Variants in CNIH3 observed in about 807,000 individuals in gnomAD.
CNIH3 encodes the protein cornichon family AMPA receptor auxiliary protein 3, also known as protein cornichon homolog 3.
In CNIH3, 14 loss-of-function variants were observed where a neutral mutation model predicts 24.1. That is an observed-to-expected ratio of 0.58 (90% CI 0.38 to 0.91). The LOEUF (loss-of-function observed/expected upper bound fraction) is 0.91, where lower values mean the gene tolerates loss of function less well. CNIH3 is among the 40% of genes least tolerant of loss of function. The pLI is 0.00. For synonymous variants in CNIH3, 68 were observed against 73.8 expected (o/e 0.92, Z 0.40); for missense variants, 178 against 196.8 (o/e 0.90, Z 0.57).
intron 1 of CNIH3, among the ~76,000 whole-genome samples, chr1:224,632,934 G>A (rs543523840): frequency 2.0e-5 from 3 of 152,234 alleles, no homozygotes; most frequent in Admixed American, 1.3e-4. Context: ...GCACTCCTTA[G>A]CAAACCTCCC....
chr1:224,546,950 A>C, intron 3 of CNIH3: 1 of 977,136 alleles, frequency 1.0e-6, no homozygotes, highest in Non-Finnish European at 1.2e-6. Flanking sequence ...GTAAGCCAGA[A>C]ACAAGACACT....
chr1:224,641,803 C>G (rs1228034411), intron 1 of CNIH3, among the ~76,000 whole-genome samples: 1 of 152,228 alleles, frequency 6.6e-6, no homozygotes, highest in East Asian at 1.9e-4. Flanking sequence ...GTCATAGGAT[C>G]TAGGATCGGG....
chr1:224,443,711 A>ATTT (rs56248229), intron 1 of CNIH3, among the ~76,000 whole-genome samples: 164 of 149,530 alleles, frequency 1.1e-3, no homozygotes, highest in African/African-American at 3.9e-3. Context: ...ATATATATAT[A>ATTT]TTTTTTTAGG....
chr1:224,736,760 G>T (rs564544094), intron 5 of CNIH3, among the ~76,000 whole-genome samples: 64 of 152,298 alleles, frequency 4.2e-4, no homozygotes, highest in African/African-American at 1.4e-3. Context: ...TTTCTACGGT[G>T]CCCAGTGGGT....
At chr1:224,618,601 T>C (rs774214619) in intron 1 of CNIH3, among the ~76,000 whole-genome samples, 1 of 152,238 alleles carries the variant, frequency 6.6e-6, no homozygotes, top group Non-Finnish European at 1.5e-5. Flanking sequence ...CTTCCGATCA[T>C]GTAACCTTAG....
intron 1 of CNIH3, among the ~76,000 whole-genome samples, chr1:224,468,069 T>C (rs998345247): frequency 3.9e-5 from 6 of 152,218 alleles, no homozygotes; most frequent in African/African-American, 1.2e-4. Flanking sequence ...CTTCCACCAG[T>C]ACTCTACTGT....
At chr1:224,621,009 C>CA (rs1355613226) in intron 1 of CNIH3, among the ~76,000 whole-genome samples, 1 of 152,218 alleles carries the variant, frequency 6.6e-6, no homozygotes, top group Non-Finnish European at 1.5e-5. Context: ...TTTATATAAA[C>CA]ACAGATGAAG....
At chr1:224,534,904 A>G (rs74146375) in intron 2 of CNIH3, among the ~76,000 whole-genome samples, 22 of 152,288 alleles carry the variant, frequency 1.4e-4, no homozygotes, top group African/African-American at 4.3e-4. Context: ...TGGCAGGTGC[A>G]GGTGCCACCC....
At chr1:224,645,770 A>G (rs1016376762) in intron 1 of CNIH3, among the ~76,000 whole-genome samples, 9 of 152,224 alleles carry the variant, frequency 5.9e-5, no homozygotes, top group African/African-American at 2.2e-4. Context: ...CCCTACTGCC[A>G]TTCCCCACCC....
At chr1:224,525,731 G>A (rs1678820044) in intron 2 of CNIH3, among the ~76,000 whole-genome samples, 1 of 152,168 alleles carries the variant, frequency 6.6e-6, no homozygotes. Flanking sequence ...TCACAAGTAG[G>A]TGAAACAGTG....
At chr1:224,544,547 C>T (rs1679630978) in intron 2 of CNIH3, among the ~76,000 whole-genome samples, 2 of 152,136 alleles carry the variant, frequency 1.3e-5, no homozygotes, top group African/African-American at 4.8e-5. Flanking sequence ...TAACAGAGGT[C>T]TTGGAATGGT....
At chr1:224,715,194 C>T (rs760370493) in intron 3 of CNIH3, among the ~76,000 whole-genome samples, 4 of 152,162 alleles carry the variant, frequency 2.6e-5, no homozygotes, top group Non-Finnish European at 5.9e-5. Context: ...TATTCATCTT[C>T]CTTAGCAGTG....
chr1:224,583,370 A>G (rs930132727), intron 5 of CNIH3: 1 of 152,358 alleles, frequency 6.6e-6, no homozygotes, highest in Non-Finnish European at 1.5e-5. Flanking sequence ...TCCCAGCTCA[A>G]TGGTGGAAAT....
intron 3 of CNIH3, among the ~76,000 whole-genome samples, chr1:224,552,072 G>A (rs1255424057): frequency 1.3e-5 from 2 of 151,496 alleles, no homozygotes; most frequent in East Asian, 3.9e-4. Flanking sequence ...TAATATCACA[G>A]GGGGTGAACA....
intron 1 of CNIH3, among the ~76,000 whole-genome samples, chr1:224,667,329 A>C (rs1001773863): frequency 6.6e-6 from 1 of 152,178 alleles, no homozygotes; most frequent in Non-Finnish European, 1.5e-5. Flanking sequence ...AGTGCAATTG[A>C]TTTTCATTCA....
intron 3 of CNIH3, among the ~76,000 whole-genome samples, chr1:224,688,730 C>T (rs557817770): frequency 3.9e-5 from 6 of 152,148 alleles, no homozygotes; most frequent in African/African-American, 1.4e-4. Context: ...GGCAGATCAC[C>T]TGAGGTCGGT....
At chr1:224,453,908 T>C (rs975769397) in intron 1 of CNIH3, among the ~76,000 whole-genome samples, 1 of 152,152 alleles carries the variant, frequency 6.6e-6, no homozygotes, top group African/African-American at 2.4e-5. Context: ...AACAGAACTA[T>C]TAAAACCCGA....
chr1:224,708,608 G>A (rs1476397984), intron 3 of CNIH3, among the ~76,000 whole-genome samples: 2 of 152,278 alleles, frequency 1.3e-5, no homozygotes, highest in South Asian at 4.1e-4. Context: ...TGACGTCCCA[G>A]TTGCCAAATC....
intron 3 of CNIH3, among the ~76,000 whole-genome samples, chr1:224,600,781 G>A (rs987042409): frequency 6.6e-6 from 1 of 152,152 alleles, no homozygotes; most frequent in African/African-American, 2.4e-5. Flanking sequence ...CCTATAACGA[G>A]GTAATAAAGG....
Sources: gnomAD v4.1 joint callset for allele counts (sites outside exome capture counted in the v4.1 genomes callset) on GRCh38, gnomAD v4.1.1 for gene constraint, MANE v1.5 for transcripts, NCBI Gene and HGNC (gene_info 2026-07-23, HGNC 2026-07-21) for gene names.